GPHN: variants seen among roughly 807,000 people sequenced by gnomAD.
GPHN encodes the protein gephyrin.
GPHN carries 17 observed loss-of-function variants against 95.5 expected under a neutral mutation model. That is an observed-to-expected ratio of 0.18 (90% CI 0.12 to 0.27). GPHN has a LOEUF of 0.27. Among genes scored for constraint, GPHN ranks in the 10% least tolerant of loss-of-function variants. The pLI, the probability that GPHN is intolerant of heterozygous loss-of-function variation, is 1.00. For synonymous variants in GPHN, 320 were observed against 322.5 expected, an observed-to-expected ratio of 0.99 and a Z score of 0.08; for missense variants, 660 against 978.1, an observed-to-expected ratio of 0.67 and a Z score of 4.34.
chr14:66,565,953 A>C (rs1566614903), intron 1 of GPHN, among the ~76,000 whole-genome samples: 1 of 143,120 alleles, frequency 7.0e-6, no homozygotes, highest in East Asian at 2.1e-4. Context: ...CAAAACCAAA[A>C]GTAAAAAGAA....
chr14:67,407,961 G>T, the GPHN span, among the ~76,000 whole-genome samples: 2 of 152,112 alleles, frequency 1.3e-5, no homozygotes, highest in Non-Finnish European at 2.9e-5. Flanking sequence ...TCCAGCCTGG[G>T]TAACATACTG....
chr14:67,562,265 A>G, the GPHN span: 3 of 1,613,422 alleles, frequency 1.9e-6, no homozygotes, highest in Admixed American at 3.3e-5. Flanking sequence ...CCAGGGTCTG[A>G]AGGCAGCTGT....
the GPHN span, chr14:67,380,687 T>C: frequency 6.3e-7 from 1 of 1,581,828 alleles, no homozygotes; most frequent in South Asian, 1.2e-5. Flanking sequence ...TAGTTTAGAT[T>C]TGAATGAAGA....
At chr14:66,575,564 A>G (rs1566630453) in intron 1 of GPHN, among the ~76,000 whole-genome samples, 1 of 152,116 alleles carries the variant, frequency 6.6e-6, no homozygotes, top group Non-Finnish European at 1.5e-5. Context: ...TGCTACTAGA[A>G]TTCTTGGGAA....
intron 1 of GPHN, among the ~76,000 whole-genome samples, chr14:66,629,208 T>TA (rs1345160922): frequency 9.0e-4 from 124 of 137,334 alleles, no homozygotes; most frequent in Non-Finnish European, 1.2e-3. Flanking sequence ...TAAATATATA[T>TA]TTATATACAT....
intron 5 of GPHN, among the ~76,000 whole-genome samples, chr14:66,884,802 G>A (rs1276054765): frequency 7.1e-6 from 1 of 140,876 alleles, no homozygotes; most frequent in East Asian, 1.9e-4. Context: ...ATGTGTGTGT[G>A]TGTGTATGTG....
At chr14:67,115,290 A>C (rs1567352505) in intron 16 of GPHN, among the ~76,000 whole-genome samples, 1 of 152,220 alleles carries the variant, frequency 6.6e-6, no homozygotes, top group Non-Finnish European at 1.5e-5. Flanking sequence ...GAAGGCTTGA[A>C]ATTCTCAGAT....
chr14:67,314,778 T>C, the GPHN span, among the ~76,000 whole-genome samples: 1 of 152,236 alleles, frequency 6.6e-6, no homozygotes, highest in Admixed American at 6.5e-5. Flanking sequence ...TCCATCAGAA[T>C]TAGACAGATT....
chr14:66,698,461 T>TACTTTTAA (rs1425788387), intron 2 of GPHN, among the ~76,000 whole-genome samples: 2 of 152,200 alleles, frequency 1.3e-5, no homozygotes, highest in Admixed American at 1.3e-4. Flanking sequence ...CATACTCTTT[T>TACTTTTAA]AAAAGTAGCA....
At position 66,763,056 on chromosome 14, in the gene GPHN, A is replaced by T. The variant is rs1236077052; in HGVS notation, c.144-13408A>T. Reference sequence around the variant, plus strand: ...CTAAAGGCAAATAGTAATACCTAATACTTATTTACATGCATACTATATACT... The same window carrying T: ...CTAAAGGCAAATAGTAATACCTAATTCTTATTTACATGCATACTATATACT... On this transcript the variant is annotated intron_variant, in intron 2 of 22. Transcript: ENST00000478722. Among the ~76,000 whole-genome samples the T allele has an allele frequency of 4.6e-5, 7 of 152,246 alleles. No individual in the cohort carries two copies. In the East Asian group the frequency reaches 1.4e-3, roughly 29 times the overall value.
chr14:66,950,545 T>C (rs2068040134), intron 8 of GPHN, among the ~76,000 whole-genome samples: 1 of 152,212 alleles, frequency 6.6e-6, no homozygotes, highest in African/African-American at 2.4e-5. Flanking sequence ...TGCTTGTAAT[T>C]CTCAGTTAGT....
At chr14:67,157,311 T>G (rs2081654086) in intron 18 of GPHN, among the ~76,000 whole-genome samples, 1 of 152,178 alleles carries the variant, frequency 6.6e-6, no homozygotes, top group Admixed American at 6.5e-5. Context: ...CAGGAATATG[T>G]AAGTAACATT....
the GPHN span, chr14:67,199,325 G>A: frequency 1.1e-5 from 18 of 1,612,676 alleles, no homozygotes; most frequent in Non-Finnish European, 1.4e-5. Flanking sequence ...GGTGAACAAG[G>A]CATCAGCTCA....
chr14:66,698,647 A>G (rs1183115934), intron 2 of GPHN, among the ~76,000 whole-genome samples: 3 of 152,204 alleles, frequency 2.0e-5, no homozygotes, highest in African/African-American at 7.2e-5. Flanking sequence ...TGTATTACCT[A>G]TGGGTGGTTT....
chr14:67,734,081 G>A, the GPHN span: 2 of 402,254 alleles, frequency 5.0e-6, no homozygotes, highest in Admixed American at 6.7e-5. Flanking sequence ...GACCTGGAAA[G>A]TCAGCAACCC....
At chr14:66,600,770 A>ATT (rs1365998523) in intron 1 of GPHN, among the ~76,000 whole-genome samples, 1 of 152,112 alleles carries the variant, frequency 6.6e-6, no homozygotes, top group Non-Finnish European at 1.5e-5. Context: ...TGCACTTAAT[A>ATT]GACTGTGAAA....
chr14:66,734,976 G>C (rs1399366868), intron 2 of GPHN, among the ~76,000 whole-genome samples: 1 of 152,190 alleles, frequency 6.6e-6, no homozygotes, highest in African/African-American at 2.4e-5. Context: ...TAGGCAAGCT[G>C]TCTAGCTTAA....
At chr14:66,789,011 G>A (rs963750987) in intron 3 of GPHN, among the ~76,000 whole-genome samples, 3 of 152,164 alleles carry the variant, frequency 2.0e-5, no homozygotes, top group African/African-American at 4.8e-5. Context: ...TTTTCTAAAC[G>A]TTGTATAACC....
the GPHN span, among the ~76,000 whole-genome samples, chr14:67,192,925 T>C: frequency 1.4e-5 from 2 of 145,812 alleles, no homozygotes; most frequent in Non-Finnish European, 3.0e-5. Flanking sequence ...TATATATGTA[T>C]ATATAGATAT....
Sources: gnomAD v4.1 joint callset for allele counts (sites outside exome capture counted in the v4.1 genomes callset) on GRCh38, gnomAD v4.1.1 for gene constraint, MANE v1.5 for transcripts, NCBI Gene and HGNC (gene_info 2026-07-23, HGNC 2026-07-21) for gene names.